Variants in TAFA1 observed in about 807,000 individuals in gnomAD.
TAFA1 encodes the protein TAFA chemokine like family member 1, also known as chemokine-like protein TAFA-1.
TAFA1 carries 4 observed loss-of-function variants against 18.5 expected under a neutral mutation model. That is an observed-to-expected ratio of 0.22 (90% confidence interval 0.11 to 0.49). TAFA1 has a LOEUF of 0.49. Among genes scored for constraint, TAFA1 ranks in the 20% least tolerant of loss-of-function variants. The pLI, the probability that TAFA1 is intolerant of heterozygous loss-of-function variation, is 0.98. For missense variants in TAFA1, 147 were observed against 169.0 expected (o/e 0.87, Z 0.72); for synonymous variants, 56 against 55.2 (o/e 1.01, Z -0.06).
intron 3 of TAFA1, among the ~76,000 whole-genome samples, chr3:68,477,922 G>T (rs561142112): frequency 1.3e-5 from 2 of 152,262 alleles, no homozygotes; most frequent in East Asian, 1.9e-4. Flanking sequence ...AGAATGAGAG[G>T]CATGGATCAT....
At chr3:68,366,169 A>C (rs1011035926) in intron 2 of TAFA1, among the ~76,000 whole-genome samples, 4 of 151,158 alleles carry the variant, frequency 2.6e-5, no homozygotes, top group African/African-American at 9.7e-5. Context: ...AACCGCCCCC[A>C]TGATTCAGTT....
chr3:68,024,493 C>T (rs903448924), intron 2 of TAFA1, among the ~76,000 whole-genome samples: 4 of 152,096 alleles, frequency 2.6e-5, no homozygotes, highest in South Asian at 2.1e-4. Flanking sequence ...GCTTCCTAAG[C>T]GCTGTTATTT....
chr3:68,358,417 C>T (rs1207576533), intron 2 of TAFA1, among the ~76,000 whole-genome samples: 1 of 151,878 alleles, frequency 6.6e-6, no homozygotes, highest in Non-Finnish European at 1.5e-5. Flanking sequence ...AGGCATTATT[C>T]CAGTTCTATC....
At chr3:68,299,429 T>A (rs2068266906) in intron 2 of TAFA1, among the ~76,000 whole-genome samples, 1 of 152,040 alleles carries the variant, frequency 6.6e-6, no homozygotes, top group Admixed American at 6.6e-5. Context: ...GGTGCTCAGT[T>A]TTACGTATTC....
At chr3:68,443,633 C>T (rs1383816652) in intron 3 of TAFA1, among the ~76,000 whole-genome samples, 1 of 152,048 alleles carries the variant, frequency 6.6e-6, no homozygotes, top group African/African-American at 2.4e-5. Context: ...ATTTTTAAAA[C>T]AATCAGATCT....
intron 2 of TAFA1, among the ~76,000 whole-genome samples, chr3:68,313,344 A>AT (rs1476898321): frequency 1.3e-5 from 2 of 152,124 alleles, no homozygotes; most frequent in African/African-American, 4.8e-5. Context: ...ATCATGGGCT[A>AT]TTTTTTGTCG....
chr3:68,229,613 A>C (rs2066845782), intron 2 of TAFA1, among the ~76,000 whole-genome samples: 1 of 152,216 alleles, frequency 6.6e-6, no homozygotes, highest in African/African-American at 2.4e-5. Flanking sequence ...AGATGATTAT[A>C]ACATAGTTGA....
rs1341087742 is a variant in TAFA1, at chr3:68,065,757, TATATATATAC to T, written c.118+59015_118+59024del. On this transcript the variant is annotated intron_variant, in intron 2 of 4. Coordinates refer to ENST00000478136, the MANE Select transcript of TAFA1 (RefSeq NM_213609.4). The stretch of plus-strand genomic sequence containing the variant: ...GTGTGTGTGTATATATATATATATA[TATATATATAC>T]ACACACATTACCTATGCCTCTGTCT... Among the ~76,000 whole-genome samples the T allele has an allele frequency of 4.4e-3, 652 of 147,322 alleles. 6 individuals carry two copies. Among genetic ancestry groups the T allele is most frequent in the African/African-American group, 0.015 (615 of 39,710 alleles).
intron 3 of TAFA1, among the ~76,000 whole-genome samples, chr3:68,453,972 G>A (rs546231980): frequency 5.3e-5 from 8 of 152,304 alleles, no homozygotes; most frequent in African/African-American, 1.9e-4. Flanking sequence ...GAGAAGGGCT[G>A]AAATGAGAAA....
At chr3:68,506,894 T>C (rs2072768040) in intron 3 of TAFA1, among the ~76,000 whole-genome samples, 2 of 152,162 alleles carry the variant, frequency 1.3e-5, no homozygotes, top group South Asian at 2.1e-4. Flanking sequence ...GAAATACATA[T>C]TGTATGGCAA....
intron 3 of TAFA1, among the ~76,000 whole-genome samples, chr3:68,423,139 C>T (rs1169696104): frequency 2.0e-5 from 3 of 151,790 alleles, no homozygotes; most frequent in Non-Finnish European, 4.4e-5. Flanking sequence ...AAAATAGTAT[C>T]GATCTCAAAG....
At chr3:68,120,176 TCTTTCTTTCTTTCTTTC>T (rs1559527506) in intron 2 of TAFA1, among the ~76,000 whole-genome samples, 2 of 14,328 alleles carry the variant, frequency 1.4e-4, no homozygotes, top group African/African-American at 3.3e-4. Flanking sequence ...TCTTTCTCTT[TCTTTCTTTCTTTCTTTC>T]TTTCTTTCTT....
At chr3:68,314,074 T>C (rs2068565685) in intron 2 of TAFA1, among the ~76,000 whole-genome samples, 1 of 152,204 alleles carries the variant, frequency 6.6e-6, no homozygotes, top group South Asian at 2.1e-4. Flanking sequence ...AGGATTAAGA[T>C]GGCTCCCATC....
At chr3:68,333,480 T>C (rs750337021) in intron 2 of TAFA1, among the ~76,000 whole-genome samples, 9 of 152,090 alleles carry the variant, frequency 5.9e-5, no homozygotes, top group Non-Finnish European at 7.4e-5. Flanking sequence ...TACTTGAGTG[T>C]AGAGGGTGGG....
intron 2 of TAFA1, among the ~76,000 whole-genome samples, chr3:68,282,950 G>A (rs2067923973): frequency 6.6e-6 from 1 of 152,020 alleles, no homozygotes; most frequent in African/African-American, 2.4e-5. Flanking sequence ...CTAGGGTTTG[G>A]GGTACATATC....
intron 2 of TAFA1, among the ~76,000 whole-genome samples, chr3:68,074,282 C>T (rs567953629): frequency 5.3e-5 from 8 of 152,238 alleles, no homozygotes; most frequent in Middle Eastern, 3.4e-3. Flanking sequence ...CACTTGCTCA[C>T]CTGCTGCTTA....
chr3:68,206,769 T>C (rs1161989414), intron 2 of TAFA1, among the ~76,000 whole-genome samples: 2 of 151,956 alleles, frequency 1.3e-5, no homozygotes, highest in African/African-American at 4.8e-5. Context: ...ATAACTTTTT[T>C]CCAAGTGCTT....
At chr3:68,262,345 A>T (rs1308320556) in intron 2 of TAFA1, among the ~76,000 whole-genome samples, 2 of 90,296 alleles carry the variant, frequency 2.2e-5, no homozygotes, top group African/African-American at 4.2e-5. Context: ...ATATATATAT[A>T]TATATATATA....
chr3:68,254,536 GA>G (rs1202525196), intron 2 of TAFA1, among the ~76,000 whole-genome samples: 1 of 151,906 alleles, frequency 6.6e-6, no homozygotes, highest in East Asian at 1.9e-4. Flanking sequence ...GTGGGGAGGG[GA>G]CTATAATTAC....
Sources: gnomAD v4.1 joint callset for allele counts (sites outside exome capture counted in the v4.1 genomes callset) on GRCh38, gnomAD v4.1.1 for gene constraint, MANE v1.5 for transcripts, NCBI Gene and HGNC (gene_info 2026-07-23, HGNC 2026-07-21) for gene names.